UBE2E2: variants seen among roughly 807,000 people sequenced by gnomAD.
UBE2E2 encodes ubiquitin-conjugating enzyme E2 E2.
UBE2E2 carries 6 observed loss-of-function variants against 24.7 expected under a neutral mutation model. The observed-to-expected ratio is 0.24, with a 90% CI of 0.13 to 0.48. The LOEUF (loss-of-function observed/expected upper bound fraction) is 0.48, where lower values mean the gene tolerates loss of function less well. Ranked by LOEUF, UBE2E2 falls within the 20% of genes least tolerant of loss-of-function variation. UBE2E2 has a pLI of 0.99. For synonymous variants in UBE2E2, 104 were observed against 83.6 expected (o/e 1.24, Z -1.33); for missense variants, 169 against 245.0 (o/e 0.69, Z 2.07).
chr3:23,449,796 A>G (rs1698521592), intron 3 of UBE2E2: 1 of 896,160 alleles, frequency 1.1e-6, no homozygotes, highest in Non-Finnish European at 1.3e-6. Context: ...TGTTTTTAAT[A>G]TCTCAACGGG....
chr3:23,304,811 C>T (rs1033381073), intron 3 of UBE2E2, among the ~76,000 whole-genome samples: 1 of 152,040 alleles, frequency 6.6e-6, no homozygotes, highest in South Asian at 2.1e-4. Context: ...ACCAGCCTGC[C>T]TTAATACCGG....
chr3:23,505,246 A>G (rs1694420440), intron 4 of UBE2E2, among the ~76,000 whole-genome samples: 1 of 152,006 alleles, frequency 6.6e-6, no homozygotes, highest in South Asian at 2.1e-4. Context: ...AATGACTTAC[A>G]TCCTCACTAA....
intron 4 of UBE2E2, among the ~76,000 whole-genome samples, chr3:23,509,182 T>C (rs931728338): frequency 6.6e-6 from 1 of 152,206 alleles, no homozygotes; most frequent in African/African-American, 2.4e-5. Flanking sequence ...GGAAGAAATA[T>C]TCTTGTAAAG....
intron 3 of UBE2E2, among the ~76,000 whole-genome samples, chr3:23,473,138 T>C (rs558759198): frequency 2.2e-4 from 34 of 152,036 alleles, no homozygotes; most frequent in Admixed American, 4.6e-4. Context: ...GGTCTTTAAA[T>C]TAAATGGGAG....
intron 5 of UBE2E2, among the ~76,000 whole-genome samples, chr3:23,537,179 C>T (rs1695286088): frequency 6.6e-6 from 1 of 152,094 alleles, no homozygotes; most frequent in Non-Finnish European, 1.5e-5. Flanking sequence ...TATTTCATTC[C>T]CCTGTCGTCT....
intron 3 of UBE2E2, among the ~76,000 whole-genome samples, chr3:23,241,788 G>T (rs4858064): frequency 2.6e-5 from 4 of 151,996 alleles, no homozygotes; most frequent in African/African-American, 9.7e-5. Flanking sequence ...TGCCTGGAAC[G>T]TAGTAAATGT....
At chr3:23,485,276 A>G (rs1044937128) in intron 3 of UBE2E2, among the ~76,000 whole-genome samples, 22 of 151,682 alleles carry the variant, frequency 1.5e-4, no homozygotes, top group Non-Finnish European at 1.8e-4. Flanking sequence ...TTGTATTTTT[A>G]ATAGAGACAA....
At chr3:23,424,264 T>G (rs1433535937) in intron 3 of UBE2E2, among the ~76,000 whole-genome samples, 1 of 152,148 alleles carries the variant, frequency 6.6e-6, no homozygotes, top group East Asian at 1.9e-4. Flanking sequence ...ATAATATTAA[T>G]GAAAATACAG....
At chr3:23,427,106 G>A (rs938675280) in intron 3 of UBE2E2, among the ~76,000 whole-genome samples, 13 of 151,872 alleles carry the variant, frequency 8.6e-5, no homozygotes, top group South Asian at 4.2e-4. Context: ...GCAAACCCTA[G>A]GAGAATCATT....
intron 3 of UBE2E2, among the ~76,000 whole-genome samples, chr3:23,354,968 T>C (rs1249195008): frequency 6.6e-6 from 1 of 151,768 alleles, no homozygotes; most frequent in Non-Finnish European, 1.5e-5. Flanking sequence ...AGCAAAGACT[T>C]GGAACCAACC....
intron 3 of UBE2E2, among the ~76,000 whole-genome samples, chr3:23,270,070 A>G (rs554708494): frequency 5.3e-5 from 8 of 150,816 alleles, no homozygotes; most frequent in South Asian, 2.1e-4. Context: ...CTGTCTGGCT[A>G]CCACCCCAGC....
At chr3:23,275,538 C>T (rs777896205) in intron 3 of UBE2E2, among the ~76,000 whole-genome samples, 1 of 152,046 alleles carries the variant, frequency 6.6e-6, no homozygotes, top group East Asian at 1.9e-4. Context: ...TTAGGGAGGA[C>T]CCGTAAGATG....
rs1697386365 is a variant in UBE2E2, at chr3:23,407,427, G to T, written c.228-92181G>T. ...TCTTGACATCTTGATTAATTGGAGG[G>T]TTTTTTCTGAAATATTTTAAACTTT... On this transcript the variant is annotated intron_variant, in intron 3 of 5. Coordinates refer to ENST00000396703, the MANE Select transcript of UBE2E2 (RefSeq NM_152653.4). This position sits in a 1 kb window ranked among gnomAD's most constrained non-coding sequence, Gnocchi z 4.0. 6.6e-6 allele frequency among the ~76,000 whole-genome samples: 1 copy of T among 152,026 alleles called. No homozygotes were observed. Among genetic ancestry groups the T allele is most frequent in the Non-Finnish European group, 1.5e-5 (1 of 67,998 alleles).
intron 3 of UBE2E2, among the ~76,000 whole-genome samples, chr3:23,272,380 C>G (rs1698267957): frequency 6.6e-6 from 1 of 151,748 alleles, no homozygotes. Flanking sequence ...CCCACCCGTG[C>G]CTCTCCTTCC....
chr3:23,203,218 C>A, upstream of UBE2E2: 3 of 987,360 alleles, frequency 3.0e-6, no homozygotes, highest in Non-Finnish European at 3.6e-6. Flanking sequence ...GCCTCAGGAG[C>A]CGGAGCTGGA....
rs1231997983 is a variant in UBE2E2, at chr3:23,589,253, C to T, written c.509-481C>T. Among the ~76,000 whole-genome samples, 1 of 150,598 alleles carries T rather than the reference C, an allele frequency of 6.6e-6. No individual in the cohort carries two copies. The highest frequency in any genetic ancestry group is 1.5e-5 in the Non-Finnish European group (1 of 67,580). ...CAACATAGTGAGACCCCCAAAATTA[C>T]AAAAAAAAATTTGAAAATTAGCCAG... On this transcript the variant is annotated intron_variant, in intron 5 of 5. Transcript: ENST00000396703. The surrounding 1 kb of genome is among the most constrained non-coding windows in gnomAD (Gnocchi z 4.1).
intron 3 of UBE2E2, among the ~76,000 whole-genome samples, chr3:23,422,079 T>C (rs781071099): frequency 6.6e-6 from 1 of 152,206 alleles, no homozygotes; most frequent in Non-Finnish European, 1.5e-5. Flanking sequence ...GCTGTTTTGT[T>C]GTATTGAATG....
intron 3 of UBE2E2, among the ~76,000 whole-genome samples, chr3:23,451,783 A>G (rs1441070894): frequency 6.6e-6 from 1 of 152,208 alleles, no homozygotes; most frequent in Non-Finnish European, 1.5e-5. Context: ...CTCAACAAGA[A>G]ATCTCTATGT....
At chr3:23,249,717 A>G (rs1186343145) in intron 3 of UBE2E2, among the ~76,000 whole-genome samples, 1 of 151,822 alleles carries the variant, frequency 6.6e-6, no homozygotes, top group African/African-American at 2.4e-5. Flanking sequence ...GTGCAGTGGC[A>G]TGATCTCGGC....
Sources: gnomAD v4.1 joint callset for allele counts (sites outside exome capture counted in the v4.1 genomes callset) on GRCh38, gnomAD v4.1.1 for gene constraint, Gnocchi (gnomAD v3.1) non-coding constraint, MANE v1.5 for transcripts, NCBI Gene and HGNC (gene_info 2026-07-23, HGNC 2026-07-21) for gene names.